ABCC12: variants seen among roughly 807,000 people sequenced by gnomAD.
The protein encoded by ABCC12 is ATP-binding cassette sub-family C member 12.
Under a neutral mutation model 151.1 loss-of-function variants are expected in ABCC12, and 142 were observed. That is an observed-to-expected ratio of 0.94 (90% confidence interval 0.82 to 1.08). The LOEUF (loss-of-function observed/expected upper bound fraction) is 1.08. ABCC12 is among the 50% of genes least tolerant of loss of function. The pLI, the probability that ABCC12 is intolerant of heterozygous loss-of-function variation, is 0.00. For synonymous variants in ABCC12, 645 were observed against 646.4 expected (o/e 1.00, Z 0.03); for missense variants, 1,638 against 1,691.1 (o/e 0.97, Z 0.55).
In ABCC12 at chr16:48,088,012, C is replaced by T. The variant is rs1380809052; in HGVS notation, c.3549G>A (p.Val1183=). 6.2e-7 allele frequency: 1 copy of T among 1,614,026 alleles called. No homozygotes were observed. Among genetic ancestry groups the T allele is most frequent in the Non-Finnish European group, 8.5e-7 (1 of 1,180,022 alleles). ...PASGTIFIDE[V]DICILSLEDL... ...CTTCCAAGCTGAGAATGCAGATATC[C>T]ACCTCATCAATAAAGATTGTGCCAC... The change falls in exon 27 of 31, where the codon GTG becomes GTA. Residue 1183 remains valine (V), a synonymous_variant. Coordinates refer to ENST00000311303, the MANE Select transcript of ABCC12 (RefSeq NM_001393797.1).
chr16:48,127,306 G>C (rs1964272334), intron 11 of ABCC12, among the ~76,000 whole-genome samples: 2 of 152,174 alleles, frequency 1.3e-5, no homozygotes, highest in Non-Finnish European at 2.9e-5. Context: ...CTGGGAGTCT[G>C]CTGCTGAGTT....
chr16:48,130,701 G>T, intron 10 of ABCC12, 87 bp downstream of exon 10: 1 of 1,048,276 alleles, frequency 9.5e-7, no homozygotes, highest in Non-Finnish European at 1.5e-6. Flanking sequence ...CAGCTCTCCA[G>T]CAGCTTGGTA....
intron 12 of ABCC12, among the ~76,000 whole-genome samples, chr16:48,123,362 C>T (rs1036297816): frequency 1.3e-5 from 2 of 152,126 alleles, no homozygotes; most frequent in Non-Finnish European, 2.9e-5. Flanking sequence ...GGAACTCATC[C>T]AATTCAGCCC....
Position 48,139,263 on chromosome 16 carries a change from A to T in ABCC12, c.731T>A (p.Ile244Asn), listed in dbSNP as rs372317217. The part of the protein sequence containing the change: ...AALFCPLPAT[I>N]PILMVFCAAY... ...CGCACAAAAGACCATTAGGATCGGG[A>T]TGGTGGCTGGCAAAGGACAAAACAA... The change falls in exon 7 of 31, where the codon ATC (isoleucine) becomes AAC (asparagine). Residue 244 changes from isoleucine to asparagine, a missense_variant. Ile to Asn is a moderately radical substitution (Grantham distance 149, BLOSUM62 -3). Transcript: ENST00000311303. 7.4e-6 allele frequency: 12 copies of T among 1,614,102 alleles called. No individual in the cohort carries two copies. In the African/African-American group the frequency reaches 1.6e-4, roughly 22 times the overall value.
chr16:48,094,239 A>T (rs1248491210), intron 24 of ABCC12, among the ~76,000 whole-genome samples: 1 of 152,224 alleles, frequency 6.6e-6, no homozygotes, highest in Non-Finnish European at 1.5e-5. Flanking sequence ...AGGAAAATTC[A>T]TTTTTCCCCA....
In ABCC12 at chr16:48,102,816, T is replaced by C. The variant is rs541450690; in HGVS notation, c.2900+1326A>G. ...TGCACCACACGTATCTCTCTTCACA[T>C]CGCTCTCCACCTTGAAATCATCCTT... is the stretch of plus-strand genomic sequence containing the variant. On this transcript the variant is annotated intron_variant, in intron 22 of 30. Transcript: ENST00000311303. Among the ~76,000 whole-genome samples, 56 of 152,316 alleles carry C rather than the reference T, an allele frequency of 3.7e-4. 1 individual carries two copies. The highest frequency in any genetic ancestry group is 1.6e-3 in the Admixed American group (24 of 15,296).
At chr16:48,139,699 T>C (rs759351027) in intron 6 of ABCC12, among the ~76,000 whole-genome samples, 2 of 152,190 alleles carry the variant, frequency 1.3e-5, no homozygotes, top group Non-Finnish European at 2.9e-5. Flanking sequence ...AAAGACTACA[T>C]TTCCCAGCCT....
chr16:48,145,833 C>T (rs1386153107), intron 3 of ABCC12, among the ~76,000 whole-genome samples: 1 of 152,156 alleles, frequency 6.6e-6, no homozygotes. Context: ...TGAGCTCAGC[C>T]CAAGTTGCTT....
intron 24 of ABCC12, among the ~76,000 whole-genome samples, chr16:48,095,888 A>G (rs1354935378): frequency 6.6e-6 from 1 of 152,204 alleles, no homozygotes; most frequent in Non-Finnish European, 1.5e-5. Flanking sequence ...AAGAATAAGG[A>G]CTATGTCAAA....
At chr16:48,103,507 G>A (rs1225692538) in intron 22 of ABCC12, among the ~76,000 whole-genome samples, 1 of 152,226 alleles carries the variant, frequency 6.6e-6, no homozygotes, top group Non-Finnish European at 1.5e-5. Context: ...ATTAAGGAGA[G>A]AGGAAACTGA....
chr16:48,091,256 C>A lies in ABCC12; in HGVS notation c.3196-47G>T, dbSNP rs538332591. The A allele has an allele frequency of 3.2e-6, 5 of 1,561,280 alleles. No homozygotes were observed. The East Asian group carries it at 1.1e-4, about 35-fold the overall frequency. On this transcript the variant is annotated intron_variant, in intron 24 of 30. Transcript: ENST00000311303. ...CCGCAGTTAGAGCCCCTTCCTCCTT[C>A]GGGTTCTGCAGCTCCCCGTTCAGGA...
At chr16:48,126,525 T>A (rs7204946) in intron 11 of ABCC12, among the ~76,000 whole-genome samples, 3,465 of 152,316 alleles carry the variant, frequency 0.023, 138 homozygotes, top group African/African-American at 0.079. Flanking sequence ...AAGCTGGACA[T>A]AATTGTTAAA....
intron 15 of ABCC12, among the ~76,000 whole-genome samples, chr16:48,112,617 G>A (rs554309251): frequency 1.3e-4 from 20 of 152,160 alleles, no homozygotes; most frequent in Admixed American, 6.5e-4. Flanking sequence ...TAAATAAATC[G>A]AAATCTGATC....
At chr16:48,115,732 C>T (rs539074874) in intron 14 of ABCC12, 114 bp from the exon 15 acceptor site, 15 of 1,117,794 alleles carry the variant, frequency 1.3e-5, no homozygotes, top group South Asian at 1.1e-4. Flanking sequence ...CACTGATCCT[C>T]GCCATATCCA....
rs558619151 is a variant in ABCC12, at chr16:48,134,747, C to G, written c.980-912G>C. On this transcript the variant is annotated intron_variant, in intron 8 of 30. Transcript: ENST00000311303. The stretch of plus-strand genomic sequence containing the variant: ...CAATCTACCCATGATTTATAAGCTG[C>G]CTACTTTAAGATATCCCACCCTCAG... Among the ~76,000 whole-genome samples, 53 of 152,288 alleles carry G rather than the reference C, an allele frequency of 3.5e-4. 1 individual carries two copies. The highest frequency in any genetic ancestry group is 1.2e-3 in the African/African-American group (50 of 41,556).
Position 48,088,069 on chromosome 16 carries a change from T to C in ABCC12, c.3492A>G (p.Gly1164=). The C allele has an allele frequency of 6.2e-7, 1 of 1,613,900 alleles. No individual in the cohort carries two copies. The highest frequency in any genetic ancestry group is 2.2e-5 in the East Asian group (1 of 44,876). ...GRTGSGKSSL[G]MALFRLVEPA... Reference sequence around the variant, plus strand: ...GCTCCACCAGACGAAACAAAGCCATTCCTAACGATGACTTTCCTGGGAACC... The same window carrying C: ...GCTCCACCAGACGAAACAAAGCCATCCCTAACGATGACTTTCCTGGGAACC... The change falls in exon 27 of 31, where the codon GGA becomes GGG. Residue 1164 remains glycine (G), a synonymous_variant. Coordinates refer to ENST00000311303, the MANE Select transcript of ABCC12 (RefSeq NM_001393797.1).
chr16:48,141,280 T>A lies in ABCC12; in HGVS notation c.349A>T (p.Lys117Ter). 6.2e-7 allele frequency: 1 copy of A among 1,614,214 alleles called. No individual in the cohort carries two copies. The highest frequency in any genetic ancestry group is 8.5e-7 in the Non-Finnish European group (1 of 1,180,040). ...ATCAACACGCGTGTCCTCTGGAATT[T>A]CCACACCACGTGGCTCAGAGAGGCC... ...EKASLSHVVWKFQRTRVLMDI... is the reference protein window; with the variant it reads ...EKASLSHVVW Residue 117 changes from lysine to a stop codon, truncating the protein, a stop_gained, in exon 5 of 31, where the codon AAA (lysine) becomes TAA (stop). Coordinates refer to ENST00000311303, the MANE Select transcript of ABCC12 (RefSeq NM_001393797.1). LOFTEE classifies it high-confidence loss of function.
intron 10 of ABCC12, 32 bp downstream of exon 10, chr16:48,130,752 GATCT>G (rs754625100): frequency 9.6e-5 from 145 of 1,515,830 alleles, no homozygotes; most frequent in Non-Finnish European, 1.2e-4. Context: ...CCCAAAATGA[GATCT>G]CTCTTCCCTA....
rs766454357 is a variant in ABCC12, at chr16:48,088,658, G to C, written c.3362C>G (p.Thr1121Ser). The change falls in exon 26 of 31, where the codon ACC (threonine) becomes AGC (serine). Residue 1121 changes from threonine to serine, a missense_variant. By Grantham distance (58) the Thr-to-Ser change is moderately conservative. Coordinates refer to ENST00000311303, the MANE Select transcript of ABCC12 (RefSeq NM_001393797.1). ...PKDWPSRGEI[T>S]FRDYQMRYRD... ...GTATCTCATCTGATAGTCTCTGAAG[G>C]TGATCTCCCCACGGCTGGGCCAGTC... 2.5e-6 allele frequency: 4 copies of C among 1,614,236 alleles called. No individual in the cohort carries two copies. Among genetic ancestry groups the C allele is most frequent in the Non-Finnish European group, 3.4e-6 (4 of 1,180,030 alleles).
Sources: gnomAD v4.1 joint callset for allele counts (sites outside exome capture counted in the v4.1 genomes callset) on GRCh38, gnomAD v4.1.1 for gene constraint, MANE v1.5 for transcripts, NCBI Gene and HGNC (gene_info 2026-07-23, HGNC 2026-07-21) for gene names.